The following CSMD3 variants were observed in gnomAD, a reference collection of about 807,000 sequenced individuals.
The protein encoded by CSMD3 is CUB and sushi domain-containing protein 3.
A neutral mutation model predicts 435.2 loss-of-function variants in CSMD3; 177 were observed. The ratio of observed to expected loss-of-function variants is 0.41; its 90% confidence interval spans 0.36 to 0.46. CSMD3 has a LOEUF of 0.46. Among genes scored for constraint, CSMD3 ranks in the 20% least tolerant of loss-of-function variants. The pLI, the probability that CSMD3 is intolerant of heterozygous loss-of-function variation, is 0.34. For missense variants in CSMD3, 4,265 were observed against 4,504.6 expected (o/e 0.95, Z 1.52); for synonymous variants, 1,656 against 1,520.5 (o/e 1.09, Z -2.07).
chr8:113,038,244 A>C (rs1185214720), intron 5 of CSMD3, among the ~76,000 whole-genome samples: 8 of 152,212 alleles, frequency 5.3e-5, no homozygotes, highest in African/African-American at 1.9e-4. Flanking sequence ...TAAAACATAT[A>C]TGTAATAGAA....
intron 1 of CSMD3, among the ~76,000 whole-genome samples, chr8:113,357,127 TG>T (rs1389177394): frequency 6.6e-6 from 1 of 152,224 alleles, no homozygotes; most frequent in Non-Finnish European, 1.5e-5. Context: ...TAAACCATCT[TG>T]TTTGCACAGA....
At chr8:113,211,106 G>A (rs894150087) in intron 3 of CSMD3, among the ~76,000 whole-genome samples, 4 of 151,794 alleles carry the variant, frequency 2.6e-5, no homozygotes, top group Admixed American at 6.6e-5. Flanking sequence ...GAAGTCCCTC[G>A]CAATGACTGG....
At chr8:113,323,248 A>AC (rs1162057941) in intron 1 of CSMD3, among the ~76,000 whole-genome samples, 2 of 152,182 alleles carry the variant, frequency 1.3e-5, no homozygotes, top group African/African-American at 2.4e-5. Context: ...TTATTGTTAT[A>AC]TCCTCAAGGC....
In CSMD3 at chr8:113,355,770, G is replaced by C. The variant is rs865958047; in HGVS notation, c.179-40977C>G. ...TATATACACACACACACACACACGG[G>C]GTGTGTGTGTGTGTGTGTGTGTGTT... On this transcript the variant is annotated intron_variant, in intron 1 of 70. Transcript: ENST00000297405. 2.3e-3 allele frequency among the ~76,000 whole-genome samples: 24 copies of C among 10,370 alleles called. 1 individual carries two copies. In the South Asian group the frequency reaches 0.094, roughly 41 times the overall value. The allele number at this position is 10,370 out of a possible 152,430, so 6.8% of individuals were successfully genotyped here.
At chr8:113,266,193 A>AC (rs1424734406) in intron 3 of CSMD3, among the ~76,000 whole-genome samples, 1 of 150,884 alleles carries the variant, frequency 6.6e-6, no homozygotes, top group Non-Finnish European at 1.5e-5. Flanking sequence ...AAAAAAAAAA[A>AC]AAAAACTAAA....
chr8:112,778,042 T>A (rs1403770578), intron 13 of CSMD3, among the ~76,000 whole-genome samples: 2 of 151,860 alleles, frequency 1.3e-5, no homozygotes, highest in South Asian at 2.1e-4. Flanking sequence ...ACTACTTTTT[T>A]AAAAAATCAA....
chr8:112,460,868 T>C (rs73702879), intron 32 of CSMD3, among the ~76,000 whole-genome samples: 2,665 of 152,200 alleles, frequency 0.018, 81 homozygotes, highest in African/African-American at 0.061. Flanking sequence ...GTTTATAAAG[T>C]TATAAGAGAA....
intron 1 of CSMD3, among the ~76,000 whole-genome samples, chr8:113,434,127 A>G (rs1371174554): frequency 6.6e-6 from 1 of 152,166 alleles, no homozygotes; most frequent in Non-Finnish European, 1.5e-5. Flanking sequence ...CCTCTTTGTC[A>G]TTGCTGTTGA....
intron 45 of CSMD3, among the ~76,000 whole-genome samples, chr8:112,332,557 T>TG (rs1207728277): frequency 1.3e-5 from 2 of 152,132 alleles, no homozygotes; most frequent in Non-Finnish European, 2.9e-5. Context: ...ATGAAAGCAG[T>TG]GCTTTAGAAA....
intron 4 of CSMD3, among the ~76,000 whole-genome samples, chr8:113,103,300 A>T (rs1371690735): frequency 1.3e-5 from 2 of 152,168 alleles, no homozygotes; most frequent in Non-Finnish European, 2.9e-5. Context: ...AATAAAAACA[A>T]TGGTGGATTC....
At chr8:113,231,591 T>C (rs1378871964) in intron 3 of CSMD3, among the ~76,000 whole-genome samples, 2 of 151,538 alleles carry the variant, frequency 1.3e-5, no homozygotes, top group Admixed American at 6.6e-5. Flanking sequence ...AAAAATTATT[T>C]GTAGAGAAAT....
chr8:112,574,338 T>G (rs1829773675), intron 23 of CSMD3, among the ~76,000 whole-genome samples: 1 of 151,996 alleles, frequency 6.6e-6, no homozygotes, highest in Non-Finnish European at 1.5e-5. Flanking sequence ...GTTTGAGAGA[T>G]GTATGGTGAC....
At chr8:112,849,409 A>G (rs955203456) in intron 11 of CSMD3, among the ~76,000 whole-genome samples, 1 of 152,046 alleles carries the variant, frequency 6.6e-6, no homozygotes, top group Non-Finnish European at 1.5e-5. Flanking sequence ...TTTACATTAT[A>G]TGGAAGAATT....
intron 19 of CSMD3, among the ~76,000 whole-genome samples, chr8:112,647,220 A>G (rs909947509): frequency 6.6e-6 from 1 of 151,948 alleles, no homozygotes; most frequent in African/African-American, 2.4e-5. Context: ...CACTTCCCTC[A>G]CAAATGATGA....
intron 32 of CSMD3, among the ~76,000 whole-genome samples, chr8:112,438,926 A>T (rs1814676872): frequency 6.6e-6 from 1 of 152,210 alleles, no homozygotes; most frequent in Non-Finnish European, 1.5e-5. Flanking sequence ...CTGAATTCTG[A>T]GGAAGGAAGA....
At chr8:113,349,721 A>G (rs1021071762) in intron 1 of CSMD3, among the ~76,000 whole-genome samples, 8 of 152,134 alleles carry the variant, frequency 5.3e-5, no homozygotes, top group Admixed American at 1.3e-4. Context: ...GTGCCCTTAA[A>G]TTGATATTAT....
At position 112,250,732 on chromosome 8, in the gene CSMD3, A is replaced by C. The variant is rs1815184099; in HGVS notation, c.10110+3521T>G. ...ATAAAAAGTATTATTTGTATATCAA[A>C]CATTGCAATAATTAATATTGAAAGT... On this transcript the variant is annotated intron_variant, in intron 63 of 70. Coordinates refer to ENST00000297405, the MANE Select transcript of CSMD3 (RefSeq NM_198123.2). Among the ~76,000 whole-genome samples the C allele has an allele frequency of 5.9e-5, 9 of 151,976 alleles. No homozygotes were observed. In the South Asian group the frequency reaches 1.9e-3, roughly 31 times the overall value.
intron 10 of CSMD3, among the ~76,000 whole-genome samples, chr8:112,902,371 C>G (rs763152355): frequency 1.3e-5 from 2 of 151,198 alleles, no homozygotes; most frequent in Non-Finnish European, 3.0e-5. Flanking sequence ...CCGTGCTTGT[C>G]AAATGGAAAT....
intron 3 of CSMD3, among the ~76,000 whole-genome samples, chr8:113,208,715 A>C (rs956033478): frequency 2.0e-5 from 3 of 152,084 alleles, no homozygotes; most frequent in Admixed American, 6.6e-5. Flanking sequence ...AATTTCATTA[A>C]TCTTTTTTAA....
Sources: allele counts gnomAD v4.1 joint callset (sites outside exome capture counted in the v4.1 genomes callset), GRCh38; gene constraint gnomAD v4.1.1; transcripts MANE v1.5; gene names NCBI Gene and HGNC (gene_info 2026-07-23, HGNC 2026-07-21).